The following DYNC2H1 variants were observed in gnomAD, a reference collection of about 807,000 sequenced individuals.
DYNC2H1 encodes the protein cytoplasmic dynein 2 heavy chain 1.
Under a neutral mutation model 570.0 loss-of-function variants are expected in DYNC2H1, and 410 were observed. The observed-to-expected ratio is 0.72, with a 90% CI of 0.66 to 0.78. The LOEUF is 0.78. DYNC2H1 is among the 30% of genes least tolerant of loss of function. The pLI is 0.00. For synonymous variants in DYNC2H1, 1,688 were observed against 1,677.6 expected, an observed-to-expected ratio of 1.01 and a Z score of -0.15; for missense variants, 4,865 against 5,046.4, an observed-to-expected ratio of 0.96 and a Z score of 1.09.
At position 103,185,392 on chromosome 11, in the gene DYNC2H1, C is replaced by A. The variant is rs1336458325; in HGVS notation, c.6633+341C>A. 6.6e-6 allele frequency among the ~76,000 whole-genome samples: 1 copy of A among 151,560 alleles called. No individual in the cohort carries two copies. Among genetic ancestry groups the A allele is most frequent in the Non-Finnish European group, 1.5e-5 (1 of 67,814 alleles). On this transcript the variant is annotated intron_variant, in intron 41 of 88. Transcript: ENST00000375735. The surrounding 1 kb of genome is among the most constrained non-coding windows in gnomAD (Gnocchi z 4.5). ...CTTAGAATAGTTTAGTTTTTATCAT[C>A]CTTTTAACTAGAGCAGTTTTAGGAA...
chr11:103,382,135 A>G (rs1297598672), intron 83 of DYNC2H1, among the ~76,000 whole-genome samples: 1 of 152,158 alleles, frequency 6.6e-6, no homozygotes, highest in Admixed American at 6.5e-5. Context: ...GTTGATGGTG[A>G]TAACTATTGA....
At chr11:103,162,251 A>G (rs1215541927) in intron 29 of DYNC2H1, among the ~76,000 whole-genome samples, 3 of 151,898 alleles carry the variant, frequency 2.0e-5, no homozygotes, top group South Asian at 2.1e-4. Flanking sequence ...GTGAATTTTG[A>G]TGCTATTTTC....
chr11:103,407,560 G>T (rs147067214), intron 84 of DYNC2H1: 3 of 152,046 alleles, frequency 2.0e-5, no homozygotes, highest in Non-Finnish European at 4.4e-5. Context: ...AGAAATGGGG[G>T]TATGCTGTTG....
chr11:103,224,378 A>C (rs368760801), intron 59 of DYNC2H1, among the ~76,000 whole-genome samples: 1 of 147,462 alleles, frequency 6.8e-6, no homozygotes, highest in African/African-American at 2.5e-5. Flanking sequence ...ACTATACCCA[A>C]TGTGTAGTCT....
chr11:103,282,368 CTT>C (rs1401695884), intron 72 of DYNC2H1, 139 bp downstream of exon 72: 10 of 713,562 alleles, frequency 1.4e-5, no homozygotes, highest in Non-Finnish European at 2.1e-5. Context: ...ATTCTGGCCT[CTT>C]AAGTATTTCC....
At chr11:103,383,269 G>A (rs1298947126) in intron 83 of DYNC2H1, among the ~76,000 whole-genome samples, 1 of 152,112 alleles carries the variant, frequency 6.6e-6, no homozygotes, top group Non-Finnish European at 1.5e-5. Context: ...AATTCCACTG[G>A]CAGAACCTAA....
At chr11:103,115,524 A>T (rs1235522642) in intron 4 of DYNC2H1, among the ~76,000 whole-genome samples, 1 of 152,196 alleles carries the variant, frequency 6.6e-6, no homozygotes, top group Non-Finnish European at 1.5e-5. Flanking sequence ...ACGCCTGGGC[A>T]TGGTGACTCA....
intron 11 of DYNC2H1, 142 bp from the exon 12 acceptor site, chr11:103,124,958 C>A: frequency 1.8e-6 from 1 of 564,060 alleles, no homozygotes; most frequent in Non-Finnish European, 2.9e-6. Context: ...AAAAAACCCA[C>A]AACTTAAAAG....
At chr11:103,294,231 C>T (rs770547314) in intron 75 of DYNC2H1, among the ~76,000 whole-genome samples, 5 of 152,122 alleles carry the variant, frequency 3.3e-5, no homozygotes, top group Non-Finnish European at 7.4e-5. Flanking sequence ...AGTTCATTTG[C>T]TGAGGTCATG....
chr11:103,287,896 T>A (rs1326369700), intron 75 of DYNC2H1, among the ~76,000 whole-genome samples: 1 of 152,182 alleles, frequency 6.6e-6, no homozygotes, highest in African/African-American at 2.4e-5. Flanking sequence ...GAGCCGGCTG[T>A]GTGGGAGACC....
At chr11:103,121,331 G>C in intron 9 of DYNC2H1, 41 bp from the exon 10 acceptor site, 1 of 1,543,430 alleles carries the variant, frequency 6.5e-7, no homozygotes, top group South Asian at 1.2e-5. Context: ...GGAAATCTTT[G>C]CTAATTCTTT....
At position 103,455,313 on chromosome 11, in the gene DYNC2H1, C is replaced by T; in HGVS notation, c.12566+18C>T. On this transcript the variant is annotated intron_variant, in intron 86 of 88. Transcript: ENST00000375735. ...ACTGCAAGGTAATTAAAATGAAATA[C>T]TTTACCTATTTGTCCCTGACGGTAA... The T allele has an allele frequency of 6.3e-7, 1 of 1,599,824 alleles. No individual in the cohort carries two copies. The highest frequency in any genetic ancestry group is 8.6e-7 in the Non-Finnish European group (1 of 1,167,846).
At position 103,205,998 on chromosome 11, in the gene DYNC2H1, G is replaced by T. The variant is rs968712878; in HGVS notation, c.8454+1034G>T. Among the ~76,000 whole-genome samples the T allele has an allele frequency of 1.3e-5, 2 of 152,080 alleles. No individual in the cohort carries two copies. Among genetic ancestry groups the T allele is most frequent in the African/African-American group, 4.8e-5 (2 of 41,398 alleles). On this transcript the variant is annotated intron_variant, in intron 52 of 88. Transcript: ENST00000375735. This position sits in a 1 kb window ranked among gnomAD's most constrained non-coding sequence, Gnocchi z 4.5. ...AAATATTCTGACTCATTTTTTAATGGGATTACTGTAGTTTCTGTGCTGAAA... is the reference window on the plus strand; with the variant it reads ...AAATATTCTGACTCATTTTTTAATGTGATTACTGTAGTTTCTGTGCTGAAA...
rs760842438 is a variant in DYNC2H1, at chr11:103,254,826, C to T, written c.10207-589C>T. Among the ~76,000 whole-genome samples the T allele has an allele frequency of 6.6e-6, 1 of 152,028 alleles. No individual in the cohort carries two copies. The highest frequency in any genetic ancestry group is 1.5e-5 in the Non-Finnish European group (1 of 67,990). ...TGGCACTGTTGCCCAGGCTGGAGTG[C>T]AATGGCGCAATCTCGGCTCACTGTA... On this transcript the variant is annotated intron_variant, in intron 66 of 88. Transcript: ENST00000375735. The surrounding 1 kb of genome is among the most constrained non-coding windows in gnomAD (Gnocchi z 4.9).
rs1210517497 is a variant in DYNC2H1 at position 103,211,206 on chromosome 11, G to T, written c.8540-583G>T. On this transcript the variant is annotated intron_variant, in intron 53 of 88. Coordinates refer to ENST00000375735, the MANE Select transcript of DYNC2H1 (RefSeq NM_001377.3). Reference sequence around the variant, plus strand: ...ACAAGAAGAAGAAAGAGTCGAGGATGTTTTTTGGGTTCTGTCTTGGAATAT... The same window carrying T: ...ACAAGAAGAAGAAAGAGTCGAGGATTTTTTTTGGGTTCTGTCTTGGAATAT... Among the ~76,000 whole-genome samples the T allele has an allele frequency of 6.6e-5, 10 of 151,950 alleles. No homozygotes were observed. The South Asian group carries it at 1.2e-3, about 19-fold the overall frequency.
Position 103,446,627 on chromosome 11 carries a change from G to C in DYNC2H1, c.12457-8559G>C, listed in dbSNP as rs1433078945. On this transcript the variant is annotated intron_variant, in intron 85 of 88. Transcript: ENST00000375735. The surrounding 1 kb of genome is among the most constrained non-coding windows in gnomAD (Gnocchi z 4.5). ...TGTTATGAAGTAACACAGATGAATA[G>C]AGTGAGACTGACAGGGAGAAGAGCC... Among the ~76,000 whole-genome samples the C allele has an allele frequency of 6.6e-6, 1 of 152,150 alleles. No homozygotes were observed. The highest frequency in any genetic ancestry group is 1.5e-5 in the Non-Finnish European group (1 of 68,016).
chr11:103,390,656 G>T (rs376265351), intron 83 of DYNC2H1, among the ~76,000 whole-genome samples: 1 of 152,228 alleles, frequency 6.6e-6, no homozygotes, highest in Admixed American at 6.5e-5. Context: ...TTTCCATGTT[G>T]AGTGCTTCCT....
At chr11:103,330,600 A>G (rs979973499) in intron 82 of DYNC2H1, among the ~76,000 whole-genome samples, 1 of 133,126 alleles carries the variant, frequency 7.5e-6, no homozygotes, top group Non-Finnish European at 1.7e-5. Context: ...ATCTTTATTT[A>G]CCCAGATAGG....
chr11:103,410,686 G>A (rs1325140144), intron 84 of DYNC2H1, among the ~76,000 whole-genome samples: 4 of 152,224 alleles, frequency 2.6e-5, no homozygotes, highest in South Asian at 2.1e-4. Context: ...AGCCACATTC[G>A]TAGTATGTTT....
Sources: allele counts gnomAD v4.1 joint callset (sites outside exome capture counted in the v4.1 genomes callset), GRCh38; gene constraint gnomAD v4.1.1; non-coding constraint Gnocchi (gnomAD v3.1); transcripts MANE v1.5; gene names NCBI Gene and HGNC (gene_info 2026-07-23, HGNC 2026-07-21).